GTF3C1: variants seen among roughly 807,000 people sequenced by gnomAD.
GTF3C1 encodes the protein general transcription factor IIIC subunit 1.
GTF3C1 carries 57 observed loss-of-function variants against 226.7 expected under a neutral mutation model. The ratio of observed to expected loss-of-function variants is 0.25; its 90% CI spans 0.20 to 0.31. The LOEUF is 0.31. GTF3C1 is among the 10% of genes least tolerant of loss of function. The pLI, the probability that GTF3C1 is intolerant of heterozygous loss-of-function variation, is 1.00. For missense variants in GTF3C1, 2,217 were observed against 2,776.1 expected (o/e 0.80, Z 4.53); for synonymous variants, 1,090 against 1,084.8 (o/e 1.00, Z -0.09).
In GTF3C1 at chr16:27,469,445, G is replaced by A. The variant is rs761480179; in HGVS notation, c.4920C>T (p.Ala1640=). The A allele has an allele frequency of 1.6e-5, 26 of 1,614,078 alleles. No individual in the cohort carries two copies. Among genetic ancestry groups the A allele is most frequent in the Middle Eastern group, 3.3e-4 (2 of 6,084 alleles). ...RRSMEVKPAQ[A]SHTNYLLMRG... is the part of the protein sequence containing the mutation. The stretch of plus-strand genomic sequence containing the variant: ...TCATCAGCAGGTAGTTGGTGTGGGA[G>A]GCTTGCGCAGGTTTCACCTCCATGC... Residue 1640 remains alanine, a synonymous_variant, in exon 32 of 37, where the codon GCC becomes GCT. Coordinates refer to ENST00000356183, the MANE Select transcript of GTF3C1 (RefSeq NM_001520.4). This position sits in a 1 kb window ranked among gnomAD's most constrained non-coding sequence, Gnocchi z 4.5.
chr16:27,549,075 A>T (rs2089222531), intron 1 of GTF3C1, among the ~76,000 whole-genome samples: 1 of 151,992 alleles, frequency 6.6e-6, no homozygotes, highest in African/African-American at 2.4e-5. Flanking sequence ...AATCGCTTGA[A>T]CCTGGGAGGC....
intron 29 of GTF3C1, among the ~76,000 whole-genome samples, chr16:27,472,838 G>A (rs1048053727): frequency 6.6e-6 from 1 of 152,132 alleles, no homozygotes; most frequent in African/African-American, 2.4e-5. Flanking sequence ...ATATTATCCT[G>A]TTTTATTTTC....
intron 13 of GTF3C1, among the ~76,000 whole-genome samples, chr16:27,498,112 A>G (rs1038038554): frequency 6.6e-6 from 1 of 152,218 alleles, no homozygotes; most frequent in Non-Finnish European, 1.5e-5. Flanking sequence ...GCTAGAAGTC[A>G]GTAATTATAT....
At position 27,469,907 on chromosome 16, in the gene GTF3C1, G is replaced by A. The variant is rs77294943; in HGVS notation, c.4814+201C>T. On this transcript the variant is annotated intron_variant, in intron 31 of 36. Transcript: ENST00000356183. The surrounding 1 kb of genome is among the most constrained non-coding windows in gnomAD (Gnocchi z 4.5). ...CCCCTCCCCTGCCCCGCTGTGCTGC[G>A]TCCTTCTCTTTGGCTGATTCCCATA... is the stretch of plus-strand genomic sequence containing the variant. Among the ~76,000 whole-genome samples, 1,062 of 152,034 alleles carry A rather than the reference G, an allele frequency of 7.0e-3. 13 individuals carry two copies. The highest frequency in any genetic ancestry group is 0.024 in the African/African-American group (1,010 of 41,428).
intron 6 of GTF3C1, among the ~76,000 whole-genome samples, chr16:27,523,898 T>C (rs1215348304): frequency 1.3e-5 from 2 of 152,160 alleles, no homozygotes; most frequent in Non-Finnish European, 2.9e-5. Flanking sequence ...TGTGCATGCA[T>C]GTGACAATCT....
chr16:27,465,766 TG>T (rs2087779181), intron 32 of GTF3C1: 2 of 567,608 alleles, frequency 3.5e-6, no homozygotes, highest in South Asian at 4.3e-5. Context: ...AACAGCTGAC[TG>T]GATTTCTCTT....
rs917875066 is a variant in GTF3C1 at position 27,469,538 on chromosome 16, G to A, written c.4827C>T (p.Asp1609=). The change falls in exon 32 of 37, where the codon GAC becomes GAT. Residue 1609 remains aspartate (D), a synonymous_variant. Coordinates refer to ENST00000356183, the MANE Select transcript of GTF3C1 (RefSeq NM_001520.4). This position sits in a 1 kb window ranked among gnomAD's most constrained non-coding sequence, Gnocchi z 4.5. Reference sequence around the variant, plus strand: ...CATCCTCGTCATCCTCCAGGCTGCCGTCCTTCCCCAAGCTAGAAGGGAATT... The same window carrying A: ...CATCCTCGTCATCCTCCAGGCTGCCATCCTTCCCCAAGCTAGAAGGGAATT... ...ENEVIKSLGK[D]GSLEDDEDEE... 9.3e-6 allele frequency: 15 copies of A among 1,610,434 alleles called. No homozygotes were observed. The highest frequency in any genetic ancestry group is 4.5e-5 in the East Asian group (2 of 44,796).
At chr16:27,524,210 T>C (rs924503879) in intron 6 of GTF3C1, among the ~76,000 whole-genome samples, 31 of 152,378 alleles carry the variant, frequency 2.0e-4, no homozygotes, top group African/African-American at 7.5e-4. Context: ...CAGCTCCCTC[T>C]GCCTAGCCAA....
At chr16:27,497,897 G>C in intron 13 of GTF3C1, 76 bp from the exon 14 acceptor site, 4 of 1,221,516 alleles carry the variant, frequency 3.3e-6, no homozygotes, top group Non-Finnish European at 4.6e-6. Context: ...CTGTCTGCAT[G>C]AATCAGATAC....
intron 32 of GTF3C1, chr16:27,466,060 T>C (rs1449471545): frequency 6.3e-6 from 1 of 159,186 alleles, no homozygotes; most frequent in African/African-American, 2.4e-5. Flanking sequence ...AGGTTATCAC[T>C]ACATTTTTGC....
chr16:27,515,469 A>AC (rs2088643139), intron 6 of GTF3C1, among the ~76,000 whole-genome samples: 1 of 151,136 alleles, frequency 6.6e-6, no homozygotes, highest in African/African-American at 2.5e-5. Flanking sequence ...ACACAACAAA[A>AC]AAAAAAAACA....
intron 32 of GTF3C1, among the ~76,000 whole-genome samples, chr16:27,467,409 A>G (rs1028130237): frequency 1.3e-5 from 2 of 152,240 alleles, no homozygotes; most frequent in African/African-American, 4.8e-5. Flanking sequence ...TCAGACTAAA[A>G]AGATTCCTTT....
rs950416834 is a variant in GTF3C1, at chr16:27,469,386, C to T, written c.4979G>A (p.Arg1660His). Residue 1660 changes from arginine (R) to histidine (H), a missense_variant, in exon 32 of 37, where the codon CGC (arginine) becomes CAC (histidine). Around this residue, in one of 12 missense-constraint regions of GTF3C1, gnomAD observed 455 missense variants for 441.9 expected, o/e 1.03. Coordinates refer to ENST00000356183, the MANE Select transcript of GTF3C1 (RefSeq NM_001520.4). This position sits in a 1 kb window ranked among gnomAD's most constrained non-coding sequence, Gnocchi z 4.5. The stretch of plus-strand genomic sequence containing the variant: ...AATGCTGTCGTTGGGGTTGAGGTTG[C>T]GGGTGCTGACGATGCCGGGGGAGTA... ...GYYSPGIVST[R>H]NLNPNDSIVV... 11 of 1,612,426 alleles carry T rather than the reference C, an allele frequency of 6.8e-6. No individual in the cohort carries two copies. Among genetic ancestry groups the T allele is most frequent in the African/African-American group, 2.7e-5 (2 of 74,908 alleles).
chr16:27,542,693 G>A (rs987747339), intron 2 of GTF3C1, among the ~76,000 whole-genome samples: 1 of 152,280 alleles, frequency 6.6e-6, no homozygotes, highest in African/African-American at 2.4e-5. Flanking sequence ...AAGAAAATGA[G>A]TCTCCTTCTC....
intron 27 of GTF3C1, among the ~76,000 whole-genome samples, chr16:27,479,552 T>C (rs2141361994): frequency 6.6e-6 from 1 of 152,348 alleles, no homozygotes; most frequent in Non-Finnish European, 1.5e-5. Context: ...GAAAACCACC[T>C]CTGCTTCCTG....
intron 2 of GTF3C1, among the ~76,000 whole-genome samples, chr16:27,538,971 T>TAC (rs59679436): frequency 0.1 from 12,407 of 124,422 alleles, 691 homozygotes; most frequent in African/African-American, 0.14. Flanking sequence ...TACACACATA[T>TAC]ACACACACAC....
chr16:27,545,283 C>G, intron 2 of GTF3C1, 31 bp downstream of exon 2: 1 of 1,524,254 alleles, frequency 6.6e-7, no homozygotes, highest in Non-Finnish European at 9.1e-7. Context: ...GGCCAGATTC[C>G]CAGGAATTTC....
rs769068811 is a variant in GTF3C1 at position 27,471,907 on chromosome 16, T to C, written c.4367A>G (p.Tyr1456Cys). Reference sequence around the variant, plus strand: ...AAGAACGTGGTCCTTGTACTCCCGATAGAGGCGGAAAGTCTGCAACACAGG... The same window carrying C: ...AAGAACGTGGTCCTTGTACTCCCGACAGAGGCGGAAAGTCTGCAACACAGG... ...SYQSFQTFRL[Y>C]REYKDHVLVK... The change falls in exon 30 of 37, where the codon TAT (tyrosine) becomes TGT (cysteine). Residue 1456 changes from tyrosine to cysteine, a missense_variant. Coordinates refer to ENST00000356183, the MANE Select transcript of GTF3C1 (RefSeq NM_001520.4). This position sits in a 1 kb window ranked among gnomAD's most constrained non-coding sequence, Gnocchi z 5.0. 3 of 1,613,962 alleles carry C rather than the reference T, an allele frequency of 1.9e-6. No homozygotes were observed. Among genetic ancestry groups the C allele is most frequent in the Non-Finnish European group, 2.5e-6 (3 of 1,179,962 alleles).
intron 6 of GTF3C1, among the ~76,000 whole-genome samples, chr16:27,516,127 T>C (rs1034192156): frequency 6.6e-6 from 1 of 152,206 alleles, no homozygotes; most frequent in Non-Finnish European, 1.5e-5. Flanking sequence ...GCATTCAAGG[T>C]GGCGGGCCCC....
Sources: allele counts gnomAD v4.1 joint callset (sites outside exome capture counted in the v4.1 genomes callset), GRCh38; gene constraint gnomAD v4.1.1; regional missense constraint gnomAD v4.1.1; non-coding constraint Gnocchi (gnomAD v3.1); transcripts MANE v1.5; gene names NCBI Gene and HGNC (gene_info 2026-07-23, HGNC 2026-07-21).